Variants in ACADL observed in about 807,000 individuals in gnomAD.
The protein encoded by ACADL is long-chain specific acyl-CoA dehydrogenase, mitochondrial.
In ACADL, 60 loss-of-function variants were observed where a neutral mutation model predicts 56.9. The observed-to-expected ratio is 1.05, with a 90% CI of 0.86 to 1.31. The LOEUF (loss-of-function observed/expected upper bound fraction) is 1.31, where lower values mean the gene tolerates loss of function less well. Ranked by LOEUF, ACADL falls within the 50% of genes most tolerant of loss-of-function variation. The probability of loss-of-function intolerance (pLI) is 0.00; values close to 1 mark genes in which losing one functional copy is unlikely to be tolerated. For missense variants in ACADL, 484 were observed against 525.5 expected (o/e 0.92, Z 0.77); for synonymous variants, 158 against 179.7 (o/e 0.88, Z 0.97).
intron 2 of ACADL, chr2:210,218,451 A>C (rs1184725205): frequency 4.1e-6 from 1 of 243,546 alleles, no homozygotes; most frequent in Admixed American, 5.2e-5. Flanking sequence ...AGGCTAATTA[A>C]AAAAAAATTT....
intron 4 of ACADL, 52 bp downstream of exon 4, chr2:210,216,295 A>T: frequency 6.2e-7 from 1 of 1,600,110 alleles, no homozygotes; most frequent in Non-Finnish European, 8.5e-7. Flanking sequence ...GTACTAAGAA[A>T]ATGTTAAGGC....
chr2:210,222,083 T>G (rs1323401332), intron 1 of ACADL, among the ~76,000 whole-genome samples: 1 of 152,160 alleles, frequency 6.6e-6, no homozygotes, highest in African/African-American at 2.4e-5. Flanking sequence ...TTGTGGCTTA[T>G]TCATTCATTT....
At chr2:210,192,977 A>G (rs746317458) in intron 9 of ACADL, 87 bp from the exon 10 acceptor site, 3 of 986,240 alleles carry the variant, frequency 3.0e-6, no homozygotes, top group Non-Finnish European at 4.8e-6. Context: ...AATTATTTAC[A>G]ATTGTTTAAA....
rs1688580915 is a variant in ACADL, at chr2:210,188,437, T to G, written c.*524A>C. The stretch of plus-strand genomic sequence containing the variant: ...TCAGCAGCGTTTCACAGAGATGTTC[T>G]GCATAAGCTTTTGTTTGAAGAAAGA... On this transcript the variant is annotated 3_prime_UTR_variant, in exon 11 of 11. Transcript: ENST00000233710. 6.3e-6 allele frequency: 1 copy of G among 158,068 alleles called. No individual in the cohort carries two copies. 9.8% of individuals were successfully genotyped at this position (158,068 alleles called of 1,614,324 possible).
In ACADL at chr2:210,220,698, CG is replaced by C. The variant is rs775967293; in HGVS notation, c.181del (p.Arg61GlyfsTer4). On this transcript the variant is annotated frameshift_variant, in exon 2 of 11. Transcript: ENST00000233710. LOFTEE classifies it high-confidence loss of function. ...RIFSPEHDIF[R>X]KSVRKFFQEE... ...TTGGAAAAACTTCCTTACACTTTTC[CG>C]GAAAATGTCATGCTCTGGAGAAAAG... The C allele has an allele frequency of 4.3e-6, 7 of 1,613,452 alleles. No individual in the cohort carries two copies. The South Asian group carries it at 7.7e-5, about 18-fold the overall frequency.
chr2:210,189,512 T>C (rs186109863), intron 10 of ACADL, among the ~76,000 whole-genome samples: 2 of 152,158 alleles, frequency 1.3e-5, no homozygotes, highest in African/African-American at 4.8e-5. Flanking sequence ...CCACTATCAC[T>C]ATCAGGAATA....
rs145858248 is a variant in ACADL at position 210,223,953 on chromosome 2, C to G, written c.77+1234G>C. Among the ~76,000 whole-genome samples, 1,359 of 152,070 alleles carry G rather than the reference C, an allele frequency of 8.9e-3. 22 individuals are homozygous for G. The highest frequency in any genetic ancestry group is 0.028 in the African/African-American group (1,162 of 41,468). On this transcript the variant is annotated intron_variant, in intron 1 of 10. Transcript: ENST00000233710. ...GGTCCTGTTTAAGAGCATAAGGGAG[C>G]CCTGTTATCAAAAAGTTTTGAGGCA... is the stretch of plus-strand genomic sequence containing the variant.
chr2:210,203,786 C>G (rs912343511), intron 7 of ACADL, among the ~76,000 whole-genome samples: 1 of 152,110 alleles, frequency 6.6e-6, no homozygotes, highest in East Asian at 1.9e-4. Context: ...AGTGATCCTC[C>G]CACCTCAGCC....
intron 5 of ACADL, among the ~76,000 whole-genome samples, chr2:210,207,077 G>T (rs1290546724): frequency 1.3e-5 from 2 of 152,066 alleles, no homozygotes; most frequent in Non-Finnish European, 1.5e-5. Context: ...TCAGCATCTA[G>T]TTTTTTCTAA....
In ACADL at chr2:210,192,884, A is replaced by C. The variant is rs1688657481; in HGVS notation, c.1119T>G (p.Ser373=). ...ATACMAKYWA[S]ELQNSVAYDC... is the part of the protein sequence containing the mutation. ...CGTAAGCTACACTATTTTGTAACTC[A>C]GATGCCCTAAATGACCAAAATAAAA... Residue 373 remains serine, a synonymous_variant, in exon 10 of 11, where the codon TCT becomes TCG. Transcript: ENST00000233710. 1.9e-6 allele frequency: 3 copies of C among 1,613,476 alleles called. No homozygotes were observed. The highest frequency in any genetic ancestry group is 2.5e-6 in the Non-Finnish European group (3 of 1,179,522).
intron 8 of ACADL, among the ~76,000 whole-genome samples, chr2:210,197,422 C>T (rs1688728041): frequency 6.6e-6 from 1 of 151,982 alleles, no homozygotes; most frequent in Admixed American, 6.6e-5. Flanking sequence ...AAATATCTAC[C>T]CTTTAATCAG....
Position 210,204,638 on chromosome 2 carries a change from A to G in ACADL, c.813T>C (p.Ser271=), listed in dbSNP as rs765491209. The G allele has an allele frequency of 6.2e-7, 1 of 1,613,202 alleles. No individual in the cohort carries two copies. The highest frequency in any genetic ancestry group is 1.1e-5 in the South Asian group (1 of 91,066). ...LFFEDIRLPA[S]ALLGEENKGF... is the part of the protein sequence containing the mutation. ...CTTTATTCTCTTCTCCAAGTAGGGCACTAGCTGGCAACCGTATATCTTCAA... is the reference window on the plus strand; with the variant it reads ...CTTTATTCTCTTCTCCAAGTAGGGCGCTAGCTGGCAACCGTATATCTTCAA... The change falls in exon 7 of 11, where the codon AGT becomes AGC. Residue 271 remains serine, a synonymous_variant. Coordinates refer to ENST00000233710, the MANE Select transcript of ACADL (RefSeq NM_001608.4).
chr2:210,210,901 A>C (rs1688968006), intron 4 of ACADL, among the ~76,000 whole-genome samples: 1 of 152,178 alleles, frequency 6.6e-6, no homozygotes, highest in Non-Finnish European at 1.5e-5. Flanking sequence ...AGGCATGATC[A>C]GGCCACTGCA....
At chr2:210,209,853 C>T in intron 5 of ACADL, 1 of 203,570 alleles carries the variant, frequency 4.9e-6, no homozygotes, top group East Asian at 1.2e-4. Flanking sequence ...AAAGCTTTTC[C>T]CCCAATCTTT....
intron 4 of ACADL, among the ~76,000 whole-genome samples, chr2:210,213,658 A>G (rs1689026679): frequency 6.6e-6 from 1 of 152,210 alleles, no homozygotes; most frequent in African/African-American, 2.4e-5. Context: ...GACCCTCACA[A>G]TAATCTTCTT....
At chr2:210,216,943 C>CAAAACAAAACAAAACA (rs1689098498) in intron 3 of ACADL, among the ~76,000 whole-genome samples, 1 of 151,282 alleles carries the variant, frequency 6.6e-6, no homozygotes, top group East Asian at 1.9e-4. Context: ...GACCAAAAAA[C>CAAAACAAAACAAAACA]AAAACAAAAC....
At chr2:210,223,547 G>GC (rs962521031) in intron 1 of ACADL, among the ~76,000 whole-genome samples, 7 of 152,028 alleles carry the variant, frequency 4.6e-5, no homozygotes, top group African/African-American at 1.4e-4. Flanking sequence ...CAAAACTGTA[G>GC]CCCCCCAGCC....
rs1689258163 is a variant in ACADL, at chr2:210,225,436, G to C, written c.-173C>G. On this transcript the variant is annotated 5_prime_UTR_variant, in exon 1 of 11. Transcript: ENST00000233710. ...GCCCCAACCACGCCACAGGCTGGTC[G>C]CGAGGGAATACGCCCGTCTTGGCTG... The C allele has an allele frequency of 3.1e-6, 2 of 650,192 alleles. No individual in the cohort carries two copies. The highest frequency in any genetic ancestry group is 5.1e-6 in the Non-Finnish European group (2 of 389,826). 40.3% of individuals were successfully genotyped at this position (650,192 alleles called of 1,614,324 possible).
chr2:210,192,749 A>T, intron 10 of ACADL, 55 bp downstream of exon 10: 1 of 1,365,800 alleles, frequency 7.3e-7, no homozygotes, highest in Non-Finnish European at 1.0e-6. Context: ...AAAGTAAAGA[A>T]ATTTTCCTTT....
Sources: allele counts gnomAD v4.1 joint callset (sites outside exome capture counted in the v4.1 genomes callset), GRCh38; gene constraint gnomAD v4.1.1; transcripts MANE v1.5; gene names NCBI Gene and HGNC (gene_info 2026-07-23, HGNC 2026-07-21).